The following MUC7 variants were observed in gnomAD, a reference collection of about 807,000 sequenced individuals.
MUC7 encodes mucin-7.
A neutral mutation model predicts 2.5 loss-of-function variants in MUC7; 2 were observed. The observed-to-expected ratio is 0.81, with a 90% confidence interval of 0.33 to 2.55. The LOEUF is 2.55. MUC7 is among the 30% of genes most tolerant of loss of function. The pLI, the probability that MUC7 is intolerant of heterozygous loss-of-function variation, is 0.11. For missense variants in MUC7, 408 were observed against 455.6 expected (o/e 0.90, Z 0.95); for synonymous variants, 133 against 173.4 (o/e 0.77, Z 1.83).
At chr4:70,480,126 A>G (rs1735122869) in intron 2 of MUC7, among the ~76,000 whole-genome samples, 1 of 152,242 alleles carries the variant, frequency 6.6e-6, no homozygotes, top group African/African-American at 2.4e-5. Context: ...GACAAAATGC[A>G]TAAACATGCA....
At chr4:70,451,602 C>T (rs1016549386) in intron 1 of MUC7, among the ~76,000 whole-genome samples, 6 of 151,970 alleles carry the variant, frequency 3.9e-5, no homozygotes, top group African/African-American at 1.5e-4. Flanking sequence ...TTTCTAGTTT[C>T]ATTCTATTGT....
intron 1 of MUC7, among the ~76,000 whole-genome samples, chr4:70,433,338 G>T (rs1733732504): frequency 6.6e-6 from 1 of 152,138 alleles, no homozygotes; most frequent in South Asian, 2.1e-4. Flanking sequence ...CCATTTTCAA[G>T]ATATTGATTC....
At chr4:70,458,874 A>T (rs1439170579) in intron 1 of MUC7, among the ~76,000 whole-genome samples, 1 of 152,114 alleles carries the variant, frequency 6.6e-6, no homozygotes, top group African/African-American at 2.4e-5. Flanking sequence ...AATATCACAT[A>T]AAGAAAAGTA....
intron 1 of MUC7, among the ~76,000 whole-genome samples, chr4:70,447,425 T>G (rs1278523461): frequency 1.3e-5 from 2 of 151,768 alleles, no homozygotes; most frequent in South Asian, 4.2e-4. Context: ...TATTACATAC[T>G]CAGAAAAAAA....
chr4:70,474,564 T>TAGGA (rs898022514), intron 2 of MUC7, among the ~76,000 whole-genome samples: 7 of 68,522 alleles, frequency 1.0e-4, no homozygotes, highest in African/African-American at 2.2e-4. Flanking sequence ...GTAGATAGAC[T>TAGGA]AGGTAGGTAG....
At chr4:70,458,032 G>A (rs28512448) in intron 1 of MUC7, among the ~76,000 whole-genome samples, 23,258 of 151,218 alleles carry the variant, frequency 0.15, 1,901 homozygotes, top group Middle Eastern at 0.25. Context: ...TAGCATGAGG[G>A]AAAAAAAAGT....
At chr4:70,466,510 G>A (rs987104017) in intron 1 of MUC7, among the ~76,000 whole-genome samples, 3 of 151,980 alleles carry the variant, frequency 2.0e-5, no homozygotes, top group African/African-American at 7.3e-5. Context: ...ATATTCAGGA[G>A]ACCCATCTTA....
At position 70,480,880 on chromosome 4, in the gene MUC7, C is replaced by T. The variant is rs1029595269; in HGVS notation, c.136C>T (p.Pro46Ser). The change falls in exon 3 of 3, where the codon CCA (proline) becomes TCA (serine). Residue 46 changes from proline to serine, a missense_variant. Transcript: ENST00000304887. ...ATCACCCAAATCTCACTTTGAATTA[C>T]CACATTATCCTGGACTGCTAGCTCA... is the stretch of plus-strand genomic sequence containing the variant. The part of the protein sequence containing the change: ...HQSPKSHFEL[P>S]HYPGLLAHQK... 6.2e-7 allele frequency: 1 copy of T among 1,614,020 alleles called. No homozygotes were observed.
At chr4:70,469,440 C>CA (rs1203594935), upstream of MUC7, among the ~76,000 whole-genome samples, 1 of 152,052 alleles carries the variant, frequency 6.6e-6, no homozygotes, top group Non-Finnish European at 1.5e-5. Flanking sequence ...TTCTGCACAG[C>CA]AAAAGAAACT....
At chr4:70,437,210 C>T (rs80312017) in intron 1 of MUC7, among the ~76,000 whole-genome samples, 1 of 152,068 alleles carries the variant, frequency 6.6e-6, no homozygotes. Flanking sequence ...GAATGCCGTG[C>T]TGGAAGAACC....
upstream of MUC7, among the ~76,000 whole-genome samples, chr4:70,468,051 T>C (rs985846271): frequency 6.6e-6 from 1 of 152,144 alleles, no homozygotes; most frequent in East Asian, 1.9e-4. Context: ...TCAAAAGGCT[T>C]ATCTACCAAG....
intron 2 of MUC7, among the ~76,000 whole-genome samples, chr4:70,475,392 T>C (rs890995418): frequency 2.0e-5 from 3 of 152,228 alleles, no homozygotes; most frequent in Admixed American, 1.3e-4. Flanking sequence ...GGATATATGT[T>C]GTCTGGAGTT....
intron 1 of MUC7, among the ~76,000 whole-genome samples, chr4:70,452,595 C>T (rs1453840563): frequency 2.6e-5 from 4 of 152,036 alleles, no homozygotes; most frequent in African/African-American, 7.2e-5. Context: ...ATTTCGTCTT[C>T]GCACTTTTAA....
At chr4:70,464,340 G>C (rs909522205) in intron 1 of MUC7, among the ~76,000 whole-genome samples, 3 of 152,290 alleles carry the variant, frequency 2.0e-5, no homozygotes, top group Admixed American at 1.3e-4. Flanking sequence ...CAGACACCAA[G>C]CTAGCTGCAG....
chr4:70,470,263 G>T (rs1318674372), upstream of MUC7, among the ~76,000 whole-genome samples: 1 of 152,166 alleles, frequency 6.6e-6, no homozygotes. Flanking sequence ...GTTGGCAGGT[G>T]GGGGGCTGGG....
chr4:70,437,105 G>A (rs1733862740), intron 1 of MUC7, among the ~76,000 whole-genome samples: 1 of 152,042 alleles, frequency 6.6e-6, no homozygotes, highest in African/African-American at 2.4e-5. Context: ...CCTGTATGAG[G>A]TGTCTGTCAG....
At chr4:70,469,169 T>C (rs1487902924), upstream of MUC7, among the ~76,000 whole-genome samples, 1 of 152,230 alleles carries the variant, frequency 6.6e-6, no homozygotes, top group Non-Finnish European at 1.5e-5. Flanking sequence ...GGATTCCCTA[T>C]GTAATAAACG....
chr4:70,447,915 C>G (rs1199458057), intron 1 of MUC7, among the ~76,000 whole-genome samples: 1 of 152,110 alleles, frequency 6.6e-6, no homozygotes, highest in African/African-American at 2.4e-5. Context: ...ACCCACTAAC[C>G]ATCCACACGT....
intron 1 of MUC7, among the ~76,000 whole-genome samples, chr4:70,438,456 T>G (rs3862055): frequency 0.16 from 23,604 of 151,104 alleles, 2,041 homozygotes; most frequent in East Asian, 0.2. Flanking sequence ...TTTTGTTTTG[T>G]TTTGGTTTGG....
Sources: gnomAD v4.1 joint callset for allele counts (sites outside exome capture counted in the v4.1 genomes callset) on GRCh38, gnomAD v4.1.1 for gene constraint, MANE v1.5 for transcripts, NCBI Gene and HGNC (gene_info 2026-07-23, HGNC 2026-07-21) for gene names.